Variants in CES5A observed in about 807,000 individuals in gnomAD.
The protein encoded by CES5A is carboxylesterase 5.
Under a neutral mutation model 62.9 loss-of-function variants are expected in CES5A, and 67 were observed. The observed-to-expected ratio is 1.07, with a 90% confidence interval of 0.88 to 1.31. The LOEUF (loss-of-function observed/expected upper bound fraction) is 1.31. Among genes scored for constraint, CES5A ranks in the 50% most tolerant of loss-of-function variants. The probability of loss-of-function intolerance (pLI) is 0.00; values close to 1 mark genes in which losing one functional copy is unlikely to be tolerated. For missense variants in CES5A, 748 were observed against 708.5 expected (o/e 1.06, Z -0.63); for synonymous variants, 296 against 280.8 (o/e 1.05, Z -0.54).
At chr16:55,877,971 A>G (rs759931945), upstream of CES5A, among the ~76,000 whole-genome samples, 4 of 152,154 alleles carry the variant, frequency 2.6e-5, no homozygotes, top group Non-Finnish European at 4.4e-5. Flanking sequence ...TTATTGGGCC[A>G]TGAAAAATTA....
intron 1 of CES5A, among the ~76,000 whole-genome samples, chr16:55,908,293 T>C (rs905368460): frequency 6.6e-6 from 1 of 152,202 alleles, no homozygotes; most frequent in Admixed American, 6.5e-5. Flanking sequence ...GTCCCATCTG[T>C]CAGCATCCCA....
At chr16:55,856,966 C>G (rs1280833010) in intron 8 of CES5A, among the ~76,000 whole-genome samples, 1 of 152,210 alleles carries the variant, frequency 6.6e-6, no homozygotes, top group Non-Finnish European at 1.5e-5. Flanking sequence ...TGTAAGCCTC[C>G]CAGTCTATGG....
chr16:55,936,326 C>A (rs550697489), intron 2 of CES5A, among the ~76,000 whole-genome samples: 2 of 152,202 alleles, frequency 1.3e-5, no homozygotes, highest in African/African-American at 4.8e-5. Flanking sequence ...TGCAATCCCA[C>A]GTCTTCTCCT....
chr16:55,880,799 G>A (rs1288306515), intron 1 of CES5A, among the ~76,000 whole-genome samples: 1 of 152,186 alleles, frequency 6.6e-6, no homozygotes, highest in African/African-American at 2.4e-5. Context: ...TGAAGAAAAT[G>A]GCAGTCTCTG....
intron 2 of CES5A, among the ~76,000 whole-genome samples, chr16:55,945,008 C>G (rs139231985): frequency 6.6e-6 from 1 of 152,102 alleles, no homozygotes; most frequent in Non-Finnish European, 1.5e-5. Flanking sequence ...TGATTTGAAC[C>G]GGTCACTCAA....
At chr16:55,927,557 C>T (rs2034270346), upstream of CES5A, among the ~76,000 whole-genome samples, 2 of 152,126 alleles carry the variant, frequency 1.3e-5, no homozygotes, top group Non-Finnish European at 2.9e-5. Context: ...CAAATTAAAA[C>T]CACAGTAAGA....
chr16:55,904,253 G>A (rs2034018118), intron 1 of CES5A, among the ~76,000 whole-genome samples: 2 of 152,340 alleles, frequency 1.3e-5, no homozygotes, highest in East Asian at 1.9e-4. Context: ...TGGTTTCACC[G>A]GGATTTGGGG....
chr16:55,951,764 T>A (rs1447084386), intron 1 of CES5A, among the ~76,000 whole-genome samples: 1 of 152,182 alleles, frequency 6.6e-6, no homozygotes, highest in Non-Finnish European at 1.5e-5. Context: ...CCATGAACTT[T>A]TATGCACCCA....
chr16:55,909,570 GCACA>G (rs34468527), intron 1 of CES5A, among the ~76,000 whole-genome samples: 18 of 150,146 alleles, frequency 1.2e-4, no homozygotes, highest in East Asian at 9.9e-4. Context: ...GTGCGCACGT[GCACA>G]CACACACACA....
At chr16:55,876,552 C>T (rs1319785414), upstream of CES5A, among the ~76,000 whole-genome samples, 2 of 152,200 alleles carry the variant, frequency 1.3e-5, no homozygotes, top group African/African-American at 2.4e-5. Context: ...CTGACTCCCC[C>T]TCTTAGACAT....
At chr16:55,893,519 G>A (rs1597138355) in intron 1 of CES5A, among the ~76,000 whole-genome samples, 1 of 152,106 alleles carries the variant, frequency 6.6e-6, no homozygotes, top group Middle Eastern at 3.4e-3. Context: ...TTTCAGTAGA[G>A]AAATGAAAAC....
At chr16:55,935,550 T>G (rs2034364504) in intron 2 of CES5A, among the ~76,000 whole-genome samples, 1 of 152,188 alleles carries the variant, frequency 6.6e-6, no homozygotes, top group Admixed American at 6.5e-5. Context: ...ACATCCATCT[T>G]AGAATATGAT....
At chr16:55,955,667 T>G (rs969750102) in intron 1 of CES5A, among the ~76,000 whole-genome samples, 11 of 152,220 alleles carry the variant, frequency 7.2e-5, no homozygotes, top group Non-Finnish European at 1.6e-4. Context: ...TCTCAGTTCC[T>G]TAGCCCAGCC....
At chr16:55,937,821 T>C (rs552711817) in intron 2 of CES5A, among the ~76,000 whole-genome samples, 6 of 152,256 alleles carry the variant, frequency 3.9e-5, no homozygotes, top group Non-Finnish European at 7.4e-5. Context: ...TTCTCTCCAT[T>C]GGCAAAATAT....
intron 1 of CES5A, among the ~76,000 whole-genome samples, chr16:55,887,063 T>C (rs773419043): frequency 6.6e-6 from 1 of 152,158 alleles, no homozygotes; most frequent in Non-Finnish European, 1.5e-5. Flanking sequence ...GGTTGGAATG[T>C]TGTACTACAG....
intron 2 of CES5A, among the ~76,000 whole-genome samples, chr16:55,947,856 C>A (rs768642674): frequency 6.6e-6 from 1 of 151,816 alleles, no homozygotes; most frequent in Non-Finnish European, 1.5e-5. Context: ...CAGGGGAGGG[C>A]CAGGTCATAA....
At chr16:55,879,145 C>T (rs1291495833), upstream of CES5A, among the ~76,000 whole-genome samples, 5 of 148,348 alleles carry the variant, frequency 3.4e-5, no homozygotes, top group Non-Finnish European at 7.5e-5. Context: ...TGCACCTCCA[C>T]TGCTACCCCA....
chr16:55,867,698 G>T (rs181434485), intron 4 of CES5A, among the ~76,000 whole-genome samples: 1 of 152,036 alleles, frequency 6.6e-6, no homozygotes, highest in Non-Finnish European at 1.5e-5. Context: ...TCTCAGCCTC[G>T]AGCACAGGAT....
upstream of CES5A, among the ~76,000 whole-genome samples, chr16:55,879,667 T>C (rs1340957794): frequency 3.3e-5 from 5 of 152,202 alleles, no homozygotes; most frequent in Admixed American, 3.3e-4. Flanking sequence ...TTGAGCACAG[T>C]GGCATGACAA....
Sources: gnomAD v4.1 joint callset for allele counts (sites outside exome capture counted in the v4.1 genomes callset) on GRCh38, gnomAD v4.1.1 for gene constraint, MANE v1.5 for transcripts, NCBI Gene and HGNC (gene_info 2026-07-23, HGNC 2026-07-21) for gene names.